ZNF862: variants seen among roughly 807,000 people sequenced by gnomAD.
ZNF862 encodes zinc finger protein 862.
A neutral mutation model predicts 91.1 loss-of-function variants in ZNF862; 64 were observed. The ratio of observed to expected loss-of-function variants is 0.70; its 90% CI spans 0.57 to 0.87. The LOEUF (loss-of-function observed/expected upper bound fraction) is 0.87, where lower values mean the gene tolerates loss of function less well. Ranked by LOEUF, ZNF862 falls within the 40% of genes least tolerant of loss-of-function variation. The pLI, the probability that ZNF862 is intolerant of heterozygous loss-of-function variation, is 0.00. For missense variants in ZNF862, 1,459 were observed against 1,528.0 expected (o/e 0.95, Z 0.75); for synonymous variants, 631 against 618.1 (o/e 1.02, Z -0.31).
Position 149,855,390 on chromosome 7 carries a change from G to C in ZNF862, c.1118-4032G>C, listed in dbSNP as rs1039758590. Among the ~76,000 whole-genome samples, 2 of 152,138 alleles carry C rather than the reference G, an allele frequency of 1.3e-5. No individual in the cohort carries two copies. Among genetic ancestry groups the C allele is most frequent in the African/African-American group, 4.8e-5 (2 of 41,420 alleles). On this transcript the variant is annotated intron_variant, in intron 5 of 7. Transcript: ENST00000223210. This position sits in a 1 kb window ranked among gnomAD's most constrained non-coding sequence, Gnocchi z 4.1. Reference sequence around the variant, plus strand: ...TGCCTTTCCCTCCTCAACCTGCTGCGGCTGTAGAATCTGGACCCATGCCAT... The same window carrying C: ...TGCCTTTCCCTCCTCAACCTGCTGCCGCTGTAGAATCTGGACCCATGCCAT...
At chr7:149,848,506 A>G in intron 4 of ZNF862, 74 bp downstream of exon 4, 1 of 1,250,792 alleles carries the variant, frequency 8.0e-7, no homozygotes, top group Non-Finnish European at 1.1e-6. Flanking sequence ...ATCCATGCTG[A>G]TGATGGAAAA....
intron 1 of ZNF862, chr7:149,841,163 A>G (rs1801689384): frequency 1.0e-6 from 1 of 985,336 alleles, no homozygotes; most frequent in African/African-American, 1.7e-5. Context: ...AATGAGTGAC[A>G]AGGAATAGCG....
rs1164911537 is a variant in ZNF862 at position 149,860,132 on chromosome 7, G to A, written c.1223-251G>A. 7.6e-6 allele frequency: 4 copies of A among 527,362 alleles called. No individual in the cohort carries two copies. The Admixed American group carries it at 1.1e-4, about 14-fold the overall frequency. 32.7% of individuals were successfully genotyped at this position (527,362 alleles called of 1,614,324 possible). A position where few individuals can be genotyped will look rare whatever the true frequency, so the allele number is the denominator to read the frequency against. On this transcript the variant is annotated intron_variant, in intron 6 of 7. Transcript: ENST00000223210. ...TCACATGATCCCAGGGTAGCTGTGT[G>A]GATAGGGTGGTTGGGGCGCTGGTGA...
In ZNF862 at chr7:149,860,538, T is replaced by A; in HGVS notation, c.1378T>A (p.Tyr460Asn). 2 of 1,613,968 alleles carry A rather than the reference T, an allele frequency of 1.2e-6. No homozygotes were observed. Among genetic ancestry groups the A allele is most frequent in the African/African-American group, 1.3e-5 (1 of 75,024 alleles). Residue 460 changes from tyrosine to asparagine, a missense_variant, in exon 7 of 8, where the codon TAC (tyrosine) becomes AAC (asparagine). Coordinates refer to ENST00000223210, the MANE Select transcript of ZNF862 (RefSeq NM_001099220.3). ...GDGPRRIKRT[Y>N]RPRSIQRSWF... is the part of the protein sequence containing the mutation. ...TGGACCTAGGAGAATCAAGAGGACA[T>A]ACAGGCCCCGTTCCATTCAGAGGTC...
intron 7 of ZNF862, 79 bp downstream of exon 7, chr7:149,862,573 G>A (rs1802558232): frequency 7.0e-6 from 10 of 1,437,432 alleles, no homozygotes; most frequent in Non-Finnish European, 9.2e-6. Flanking sequence ...GCAGGTGCCT[G>A]TGGAGCTTCT....
chr7:149,848,958 A>C (rs1801971127), intron 4 of ZNF862, among the ~76,000 whole-genome samples: 1 of 151,974 alleles, frequency 6.6e-6, no homozygotes, highest in Admixed American at 6.5e-5. Context: ...GTGCCCCCAC[A>C]CCTGGATAAT....
Position 149,860,447 on chromosome 7 carries a change from G to C in ZNF862, c.1287G>C (p.Leu429Phe), listed in dbSNP as rs1175780988. ...DTQASAADSALLPGSPVEARA... is the reference protein window; with the variant it reads ...DTQASAADSAFLPGSPVEARA... ...AGGCCTCGGCTGCAGACTCCGCGTTGCTTCCAGGCTCTCCCGTGGAGGCCC... is the reference window on the plus strand; with the variant it reads ...AGGCCTCGGCTGCAGACTCCGCGTTCCTTCCAGGCTCTCCCGTGGAGGCCC... The change falls in exon 7 of 8, where the codon TTG becomes TTC. Residue 429 changes from leucine (L) to phenylalanine (F), a missense_variant. By Grantham distance (22) the Leu-to-Phe change is conservative. Coordinates refer to ENST00000223210, the MANE Select transcript of ZNF862 (RefSeq NM_001099220.3). 3 of 1,613,874 alleles carry C rather than the reference G, an allele frequency of 1.9e-6. No homozygotes were observed. The African/African-American group carries it at 4.0e-5, about 22-fold the overall frequency.
At position 149,847,770 on chromosome 7, in the gene ZNF862, G is replaced by A. The variant is rs757357107; in HGVS notation, c.277G>A (p.Val93Met). Reference sequence around the variant, plus strand: ...GATGGGCTACATGGGAGAAATGGAGGTGCAAGGTCCCACCAGGGAGAGTGG... The same window carrying A: ...GATGGGCTACATGGGAGAAATGGAGATGCAAGGTCCCACCAGGGAGAGTGG... ...KQMGYMGEME[V>M]QGPTRESGQS... Residue 93 changes from valine (V) to methionine (M), a missense_variant, in exon 4 of 8, where the codon GTG becomes ATG. Physicochemically the swap from Val to Met is conservative, Grantham distance 21 (BLOSUM62 1). Coordinates refer to ENST00000223210, the MANE Select transcript of ZNF862 (RefSeq NM_001099220.3). 32 of 1,613,558 alleles carry A rather than the reference G, an allele frequency of 2.0e-5. No homozygotes were observed. Among genetic ancestry groups the A allele is most frequent in the Non-Finnish European group, 2.6e-5 (31 of 1,179,776 alleles).
chr7:149,847,737 A>T lies in ZNF862; in HGVS notation c.244A>T (p.Lys82Ter). 6.2e-7 allele frequency: 1 copy of T among 1,604,822 alleles called. No homozygotes were observed. The highest frequency in any genetic ancestry group is 8.5e-7 in the Non-Finnish European group (1 of 1,176,170). The change falls in exon 4 of 8, where the codon AAA becomes TAA. Residue 82 changes from lysine to a stop codon, truncating the protein, a stop_gained and splice_region_variant. Transcript: ENST00000223210. LOFTEE classifies it high-confidence loss of function. ...TCCCTTCTGTCTCTTCTCTAAAGGAAAAAAACAGATGGGCTACATGGGAGA... is the reference window on the plus strand; with the variant it reads ...TCCCTTCTGTCTCTTCTCTAAAGGATAAAAACAGATGGGCTACATGGGAGA... ...QRSLLEHHPG[K>*]KQMGYMGEME...
rs1802643314 is a variant in ZNF862, at chr7:149,864,455, G to A, written c.*171G>A. On this transcript the variant is annotated 3_prime_UTR_variant, in exon 8 of 8. Coordinates refer to ENST00000223210, the MANE Select transcript of ZNF862 (RefSeq NM_001099220.3). ...AGGGGTATCAGGAGGTGCATGACCT[G>A]TTTCCTGAGGCCCCACTCAGCACAG... is the stretch of plus-strand genomic sequence containing the variant. 2 of 635,172 alleles carry A rather than the reference G, an allele frequency of 3.1e-6. No individual in the cohort carries two copies. The highest frequency in any genetic ancestry group is 5.3e-6 in the Non-Finnish European group (2 of 374,466). 39.3% of individuals were successfully genotyped at this position (635,172 alleles called of 1,614,324 possible).
Position 149,850,560 on chromosome 7 carries a change from T to C in ZNF862, c.1117+222T>C. 1 of 529,598 alleles carries C rather than the reference T, an allele frequency of 1.9e-6. No individual in the cohort carries two copies. The highest frequency in any genetic ancestry group is 3.3e-6 in the Non-Finnish European group (1 of 298,548). 32.8% of individuals were successfully genotyped at this position (529,598 alleles called of 1,614,324 possible). A position where few individuals can be genotyped will look rare whatever the true frequency, so the allele number is the denominator to read the frequency against. The stretch of plus-strand genomic sequence containing the variant: ...TCATCCATTCGTCCCCCACCAAACA[T>C]TTTGGAGTACCTACTATGTGCCAGA... On this transcript the variant is annotated intron_variant, in intron 5 of 7. Transcript: ENST00000223210. The surrounding 1 kb of genome is among the most constrained non-coding windows in gnomAD (Gnocchi z 4.2).
chr7:149,843,693 G>A (rs1429259983), intron 1 of ZNF862, among the ~76,000 whole-genome samples: 2 of 152,150 alleles, frequency 1.3e-5, no homozygotes, highest in African/African-American at 4.8e-5. Context: ...GTGCTTGTGC[G>A]AGGGAGGACG....
chr7:149,863,375 T>C (rs1802589061), intron 7 of ZNF862, among the ~76,000 whole-genome samples: 1 of 149,600 alleles, frequency 6.7e-6, no homozygotes, highest in Non-Finnish European at 1.5e-5. Context: ...CTGGCCTCCT[T>C]CCGGCTGTTG....
At chr7:149,847,424 G>A (rs547352249) in intron 3 of ZNF862, among the ~76,000 whole-genome samples, 33 of 152,182 alleles carry the variant, frequency 2.2e-4, no homozygotes, top group South Asian at 4.2e-4. Flanking sequence ...AAGATTGTAC[G>A]TTTCATAGAT....
At position 149,864,737 on chromosome 7, in the gene ZNF862, T is replaced by C. The variant is rs558950867; in HGVS notation, c.*453T>C. On this transcript the variant is annotated 3_prime_UTR_variant, in exon 8 of 8. Transcript: ENST00000223210. ...CTGCTCTAGGGACAGCTGGCCTGGC[T>C]GCAAGAGCCCCCAGAGGCATTGTTC... The C allele has an allele frequency of 2.3e-3, 359 of 157,994 alleles. 6 individuals carry two copies. The South Asian group carries it at 0.03, about 13-fold the overall frequency. The allele number at this position is 157,994 out of a possible 1,614,324, so 9.8% of individuals were successfully genotyped here. A position where few individuals can be genotyped will look rare whatever the true frequency, so the allele number is the denominator to read the frequency against.
chr7:149,849,568 A>C (rs1801992638), intron 4 of ZNF862, among the ~76,000 whole-genome samples: 1 of 152,252 alleles, frequency 6.6e-6, no homozygotes, highest in African/African-American at 2.4e-5. Context: ...CCTAGAGCTG[A>C]CATCATAAGG....
chr7:149,860,599 C>T lies in ZNF862; in HGVS notation c.1439C>T (p.Pro480Leu). 1 of 1,613,968 alleles carries T rather than the reference C, an allele frequency of 6.2e-7. No individual in the cohort carries two copies. Among genetic ancestry groups the T allele is most frequent in the Non-Finnish European group, 8.5e-7 (1 of 1,179,892 alleles). ...FGQFPWLVID[P>L]KETKLFCSAC... Reference sequence around the variant, plus strand: ...CAGTTCCCATGGTTAGTAATTGACCCCAAAGAGACCAAACTCTTCTGCTCA... The same window carrying T: ...CAGTTCCCATGGTTAGTAATTGACCTCAAAGAGACCAAACTCTTCTGCTCA... The change falls in exon 7 of 8, where the codon CCC (proline) becomes CTC (leucine). Residue 480 changes from proline to leucine, a missense_variant. Pro to Leu is a moderately conservative substitution (Grantham distance 98). Coordinates refer to ENST00000223210, the MANE Select transcript of ZNF862 (RefSeq NM_001099220.3).
In ZNF862 at chr7:149,844,659, TACTC is replaced by T. The variant is rs1801812117; in HGVS notation, c.60_63del (p.Leu20PhefsTer8). The T allele has an allele frequency of 1.2e-6, 2 of 1,605,934 alleles. No homozygotes were observed. Among genetic ancestry groups the T allele is most frequent in the African/African-American group, 1.3e-5 (1 of 74,826 alleles). On this transcript the variant is annotated frameshift_variant, in exon 2 of 8. Transcript: ENST00000223210. LOFTEE classifies it high-confidence loss of function. ...ACGTTTGATGACATCACTGTGTACT[TACTC>T]CAGGAGGAATGGGTGCTGCTGAGCC...
At chr7:149,847,629 GTGTGC>G in intron 3 of ZNF862, 101 bp from the exon 4 acceptor site, 1 of 594,354 alleles carries the variant, frequency 1.7e-6, no homozygotes. Context: ...GTGTGTGTGT[GTGTGC>G]TTTCCGTCTT....
Sources: gnomAD v4.1 joint callset for allele counts (sites outside exome capture counted in the v4.1 genomes callset) on GRCh38, gnomAD v4.1.1 for gene constraint, Gnocchi (gnomAD v3.1) non-coding constraint, MANE v1.5 for transcripts, NCBI Gene and HGNC (gene_info 2026-07-23, HGNC 2026-07-21) for gene names.